The following CCDC171 variants were observed in gnomAD, a reference collection of about 807,000 sequenced individuals.
The protein encoded by CCDC171 is coiled-coil domain containing 171.
In CCDC171, 177 loss-of-function variants were observed where a neutral mutation model predicts 168.2. The observed-to-expected ratio is 1.05, with a 90% CI of 0.93 to 1.19. CCDC171 has a LOEUF of 1.19. CCDC171 is among the 50% of genes most tolerant of loss of function. The pLI is 0.00. For synonymous variants in CCDC171, 687 were observed against 540.8 expected (o/e 1.27, Z -3.75); for missense variants, 1,991 against 1,539.0 (o/e 1.29, Z -4.91).
intron 8 of CCDC171, among the ~76,000 whole-genome samples, chr9:15,662,187 G>T (rs542875095): frequency 6.6e-6 from 1 of 152,180 alleles, no homozygotes; most frequent in Non-Finnish European, 1.5e-5. Context: ...TGAGGCATGA[G>T]AATTGCTTGA....
chr9:16,006,786 A>C (rs1195254075), intron 3 of CCDC171, among the ~76,000 whole-genome samples: 1 of 152,158 alleles, frequency 6.6e-6, no homozygotes, highest in Non-Finnish European at 1.5e-5. Flanking sequence ...GCTGCATGGT[A>C]TTCCATGGTG....
intron 21 of CCDC171, among the ~76,000 whole-genome samples, chr9:15,789,696 C>T (rs961007614): frequency 2.0e-5 from 3 of 152,068 alleles, no homozygotes; most frequent in Admixed American, 2.0e-4. Flanking sequence ...TGATGTGCTG[C>T]ACCCATTAAC....
At chr9:15,929,994 T>A (rs775396446) in intron 25 of CCDC171, among the ~76,000 whole-genome samples, 8 of 151,772 alleles carry the variant, frequency 5.3e-5, no homozygotes, top group Non-Finnish European at 1.2e-4. Context: ...TGTATTTACA[T>A]GTGTGAGTTC....
At chr9:15,846,934 TAC>T in intron 22 of CCDC171, 87 bp downstream of exon 22, 1 of 1,215,402 alleles carries the variant, frequency 8.2e-7, no homozygotes, top group Non-Finnish European at 1.1e-6. Context: ...CCCTGGATAA[TAC>T]AGTGTTAGAA....
At chr9:16,043,739 T>C (rs1256602312) in intron 1 of CCDC171, among the ~76,000 whole-genome samples, 1 of 152,252 alleles carries the variant, frequency 6.6e-6, no homozygotes, top group Non-Finnish European at 1.5e-5. Flanking sequence ...ACAATAGTGC[T>C]TGTGGAACCT....
rs1045114996 is a variant in CCDC171 at position 15,941,647 on chromosome 9, G to C, written c.3753+21225G>C. Among the ~76,000 whole-genome samples the C allele has an allele frequency of 4.6e-5, 7 of 152,016 alleles. No individual in the cohort carries two copies. The Middle Eastern group carries it at 0.014, about 295-fold the overall frequency. On this transcript the variant is annotated intron_variant, in intron 25 of 25. Coordinates refer to ENST00000380701, the MANE Select transcript of CCDC171 (RefSeq NM_173550.4). ...GAGAGAATTGTGATAACTTTATTTA[G>C]ATTGGCTGTACATTTATTGAAAATC...
intron 9 of CCDC171, among the ~76,000 whole-genome samples, chr9:15,670,764 C>T (rs1013553362): frequency 2.6e-5 from 4 of 152,018 alleles, no homozygotes; most frequent in African/African-American, 9.7e-5. Context: ...TATTTATTGT[C>T]TGTCTTATGT....
intron 11 of CCDC171, among the ~76,000 whole-genome samples, chr9:15,706,228 C>G (rs932018963): frequency 6.6e-6 from 1 of 150,846 alleles, no homozygotes; most frequent in Non-Finnish European, 1.5e-5. Context: ...TTCCTTCCTT[C>G]CTTCCTTCCT....
At position 15,945,473 on chromosome 9, in the gene CCDC171, A is replaced by T. The variant is rs370208222; in HGVS notation, c.3753+25051A>T. On this transcript the variant is annotated intron_variant, in intron 25 of 25. Transcript: ENST00000380701. ...TCGCCACACTGACTTCCACAATGGT[A>T]GAACTAGTTTACAGTCCCACCAACA... Among the ~76,000 whole-genome samples, 17 of 151,082 alleles carry T rather than the reference A, an allele frequency of 1.1e-4. No individual in the cohort carries two copies. The East Asian group carries it at 2.8e-3, about 25-fold the overall frequency.
intron 18 of CCDC171, among the ~76,000 whole-genome samples, chr9:15,750,741 A>T (rs2055673429): frequency 6.6e-6 from 1 of 152,202 alleles, no homozygotes; most frequent in Non-Finnish European, 1.5e-5. Context: ...CTTCATGCTA[A>T]AAACTCTCAA....
intron 24 of CCDC171, among the ~76,000 whole-genome samples, chr9:15,896,321 A>G (rs1477072692): frequency 6.6e-6 from 1 of 152,054 alleles, no homozygotes; most frequent in Non-Finnish European, 1.5e-5. Flanking sequence ...CATCATTTAA[A>G]AAAAGTCTGC....
chr9:16,032,588 G>A (rs1305733315), intron 6 of CCDC171, among the ~76,000 whole-genome samples: 1 of 152,178 alleles, frequency 6.6e-6, no homozygotes, highest in Non-Finnish European at 1.5e-5. Flanking sequence ...ACATTGCAAA[G>A]CACAGATATC....
At chr9:16,079,919 G>A in the CCDC171 span, among the ~76,000 whole-genome samples, 1 of 152,182 alleles carries the variant, frequency 6.6e-6, no homozygotes, top group Admixed American at 6.5e-5. Context: ...TTTTGCACAT[G>A]AGGAAACTGA....
At chr9:15,961,693 G>A (rs553738533) in intron 25 of CCDC171, among the ~76,000 whole-genome samples, 34 of 151,942 alleles carry the variant, frequency 2.2e-4, no homozygotes, top group Non-Finnish European at 4.9e-4. Context: ...ACATTTTAGA[G>A]CCATAACTAT....
intron 7 of CCDC171, among the ~76,000 whole-genome samples, chr9:15,655,776 A>G (rs951026758): frequency 6.6e-6 from 1 of 152,238 alleles, no homozygotes; most frequent in African/African-American, 2.4e-5. Context: ...TTCAAAGAAG[A>G]TACACAGTTG....
At chr9:16,033,219 T>C (rs1833395386) in intron 6 of CCDC171, among the ~76,000 whole-genome samples, 1 of 152,170 alleles carries the variant, frequency 6.6e-6, no homozygotes. Flanking sequence ...TGCTGCTTTG[T>C]ATGCGTTATT....
At chr9:16,088,389 A>G in the CCDC171 span, among the ~76,000 whole-genome samples, 2 of 152,198 alleles carry the variant, frequency 1.3e-5, no homozygotes, top group Non-Finnish European at 2.9e-5. Context: ...GGCAAGAGAA[A>G]GAAATAAATG....
At chr9:16,029,473 C>T (rs1833332788) in intron 6 of CCDC171, among the ~76,000 whole-genome samples, 2 of 152,318 alleles carry the variant, frequency 1.3e-5, no homozygotes, top group African/African-American at 2.4e-5. Context: ...TGTGTGGCCA[C>T]ATCTGGGCTC....
At chr9:16,018,884 C>G (rs977582176) in intron 3 of CCDC171, among the ~76,000 whole-genome samples, 3 of 152,212 alleles carry the variant, frequency 2.0e-5, no homozygotes, top group Admixed American at 6.5e-5. Context: ...CAGTCAGGCC[C>G]ACCAACATCC....
Sources: gnomAD v4.1 joint callset for allele counts (sites outside exome capture counted in the v4.1 genomes callset) on GRCh38, gnomAD v4.1.1 for gene constraint, MANE v1.5 for transcripts, NCBI Gene and HGNC (gene_info 2026-07-23, HGNC 2026-07-21) for gene names.